The following COL25A1 variants were observed in gnomAD, a reference collection of about 807,000 sequenced individuals.
COL25A1 encodes collagen alpha-1(XXV) chain.
COL25A1 carries 103 observed loss-of-function variants against 128.4 expected under a neutral mutation model. The observed-to-expected ratio is 0.80, with a 90% CI of 0.68 to 0.94. COL25A1 has a LOEUF of 0.94. COL25A1 is among the 40% of genes least tolerant of loss of function. The pLI is 0.00. For missense variants in COL25A1, 745 were observed against 840.0 expected (o/e 0.89, Z 1.40); for synonymous variants, 279 against 277.2 (o/e 1.01, Z -0.06).
intron 3 of COL25A1, among the ~76,000 whole-genome samples, chr4:109,083,003 A>C (rs1203567269): frequency 6.6e-6 from 1 of 152,178 alleles, no homozygotes; most frequent in African/African-American, 2.4e-5. Flanking sequence ...ATTTATGAAA[A>C]CTGTAGCATA....
At chr4:108,874,228 A>AT (rs1183325910) in intron 19 of COL25A1, among the ~76,000 whole-genome samples, 3 of 152,210 alleles carry the variant, frequency 2.0e-5, no homozygotes, top group African/African-American at 7.2e-5. Context: ...ATGAGCTTAC[A>AT]TAAGTTTTCA....
chr4:109,185,552 C>T (rs1775056893), intron 3 of COL25A1, among the ~76,000 whole-genome samples: 1 of 152,160 alleles, frequency 6.6e-6, no homozygotes, highest in Admixed American at 6.5e-5. Flanking sequence ...ACTATCAATC[C>T]TCTTTAAAAT....
intron 3 of COL25A1, among the ~76,000 whole-genome samples, chr4:109,192,675 A>C (rs557109416): frequency 6.6e-6 from 1 of 152,014 alleles, no homozygotes; most frequent in Non-Finnish European, 1.5e-5. Flanking sequence ...AACACGGTGA[A>C]ACCCTGTCTC....
chr4:109,118,455 G>A (rs1302358715), intron 3 of COL25A1, among the ~76,000 whole-genome samples: 1 of 151,740 alleles, frequency 6.6e-6, no homozygotes, highest in African/African-American at 2.4e-5. Flanking sequence ...ACTACATCAC[G>A]TTGTACTTCA....
At chr4:109,040,996 A>G (rs113142302) in intron 5 of COL25A1, among the ~76,000 whole-genome samples, 41 of 152,260 alleles carry the variant, frequency 2.7e-4, no homozygotes, top group African/African-American at 9.4e-4. Flanking sequence ...TCACTCTTCA[A>G]GCTTCATGAA....
chr4:109,174,010 C>T (rs1773832345), intron 3 of COL25A1, among the ~76,000 whole-genome samples: 1 of 152,056 alleles, frequency 6.6e-6, no homozygotes, highest in African/African-American at 2.4e-5. Flanking sequence ...ATTTGGGATG[C>T]TCAATCTATA....
intron 3 of COL25A1, among the ~76,000 whole-genome samples, chr4:109,215,370 A>G (rs1176159223): frequency 6.6e-6 from 1 of 152,168 alleles, no homozygotes. Context: ...AGCTCACAAC[A>G]ATATTTTCCA....
chr4:108,816,287 A>G (rs1015343610), intron 37 of COL25A1, among the ~76,000 whole-genome samples: 1 of 152,198 alleles, frequency 6.6e-6, no homozygotes, highest in Non-Finnish European at 1.5e-5. Flanking sequence ...TTTCTCACCA[A>G]TGGAGTTGCT....
chr4:109,180,361 G>C (rs1247145725), intron 3 of COL25A1, among the ~76,000 whole-genome samples: 3 of 151,918 alleles, frequency 2.0e-5, no homozygotes, highest in African/African-American at 7.3e-5. Flanking sequence ...CTGACAACTA[G>C]TTATTTTAAA....
At chr4:109,209,883 T>C (rs1185545090) in intron 3 of COL25A1, among the ~76,000 whole-genome samples, 2 of 151,830 alleles carry the variant, frequency 1.3e-5, no homozygotes, top group East Asian at 3.9e-4. Flanking sequence ...TGAAAACCCA[T>C]CAACTAAAAA....
rs1759608244 is a variant in COL25A1, at chr4:109,038,958, C to CAGAAT, written c.420+9209_420+9210insATTCT. On this transcript the variant is annotated intron_variant, in intron 5 of 37. Transcript: ENST00000399132. The stretch of plus-strand genomic sequence containing the variant: ...CCAAGTCTGCTCTTCCATCTTTATT[C>CAGAAT]TCCATCTCAGTGGCCTCACTATGAT... 1.2e-4 allele frequency among the ~76,000 whole-genome samples: 18 copies of CAGAAT among 152,280 alleles called. No homozygotes were observed. The South Asian group carries it at 3.7e-3, about 32-fold the overall frequency.
At chr4:109,200,397 CT>C (rs531104472) in intron 3 of COL25A1, among the ~76,000 whole-genome samples, 46 of 152,156 alleles carry the variant, frequency 3.0e-4, no homozygotes, top group African/African-American at 1.1e-3. Context: ...TGGCTCTTTG[CT>C]TTTTCAATTT....
chr4:108,810,897 T>C lies in COL25A1; in HGVS notation c.*3030A>G, dbSNP rs764913391. On this transcript the variant is annotated 3_prime_UTR_variant, in exon 38 of 38. Transcript: ENST00000399132. ...TTATCCATAGTAGTTGTATTGTCCATAGAGAAAAAGGAAAAGAGATACATT... is the reference window on the plus strand; with the variant it reads ...TTATCCATAGTAGTTGTATTGTCCACAGAGAAAAAGGAAAAGAGATACATT... 1 of 151,992 alleles carries C rather than the reference T, an allele frequency of 6.6e-6. No homozygotes were observed. The highest frequency in any genetic ancestry group is 2.4e-5 in the African/African-American group (1 of 41,434). 9.4% of individuals were successfully genotyped at this position (151,992 alleles called of 1,614,324 possible). A position where few individuals can be genotyped will look rare whatever the true frequency, so the allele number is the denominator to read the frequency against.
chr4:109,185,995 T>A (rs993610786), intron 3 of COL25A1, among the ~76,000 whole-genome samples: 1 of 152,214 alleles, frequency 6.6e-6, no homozygotes, highest in Non-Finnish European at 1.5e-5. Context: ...AGTATTCCGT[T>A]GTGGCAGCGT....
chr4:108,820,792 T>C (rs1203820005), intron 35 of COL25A1, among the ~76,000 whole-genome samples: 1 of 152,080 alleles, frequency 6.6e-6, no homozygotes, highest in Admixed American at 6.6e-5. Context: ...GCAGGATAAT[T>C]ACATAGTGGG....
At chr4:108,822,921 A>G (rs939439532) in intron 35 of COL25A1, among the ~76,000 whole-genome samples, 1 of 152,200 alleles carries the variant, frequency 6.6e-6, no homozygotes, top group Non-Finnish European at 1.5e-5. Context: ...GACTTATCAT[A>G]TGTATAGCTC....
chr4:109,012,965 G>A (rs908622022), intron 5 of COL25A1, among the ~76,000 whole-genome samples: 14 of 152,248 alleles, frequency 9.2e-5, no homozygotes, highest in African/African-American at 3.4e-4. Context: ...GAACTTTTAT[G>A]TCTATGCAGA....
At chr4:108,834,152 T>C (rs1181206259) in intron 31 of COL25A1, among the ~76,000 whole-genome samples, 1 of 152,196 alleles carries the variant, frequency 6.6e-6, no homozygotes, top group East Asian at 1.9e-4. Flanking sequence ...TCTGGCAGTT[T>C]AGCTGTTCTC....
At chr4:109,157,999 A>G (rs1772197509) in intron 3 of COL25A1, among the ~76,000 whole-genome samples, 1 of 152,214 alleles carries the variant, frequency 6.6e-6, no homozygotes, top group Non-Finnish European at 1.5e-5. Context: ...GAATACTTCT[A>G]TATAAAATTA....
Sources: allele counts gnomAD v4.1 joint callset (sites outside exome capture counted in the v4.1 genomes callset), GRCh38; gene constraint gnomAD v4.1.1; transcripts MANE v1.5; gene names NCBI Gene and HGNC (gene_info 2026-07-23, HGNC 2026-07-21).